The following EXOC4 variants were observed in gnomAD, a reference collection of about 807,000 sequenced individuals.
EXOC4 encodes exocyst complex component 4.
EXOC4 carries 71 observed loss-of-function variants against 107.2 expected under a neutral mutation model. The ratio of observed to expected loss-of-function variants is 0.66; its 90% CI spans 0.55 to 0.81. EXOC4 has a LOEUF of 0.81. EXOC4 is among the 30% of genes least tolerant of loss of function. The pLI is 0.00. For missense variants in EXOC4, 1,108 were observed against 1,189.6 expected (o/e 0.93, Z 1.01); for synonymous variants, 456 against 441.2 (o/e 1.03, Z -0.42).
chr7:133,459,119 C>T (rs1431657062), intron 7 of EXOC4, among the ~76,000 whole-genome samples: 1 of 152,206 alleles, frequency 6.6e-6, no homozygotes, highest in Non-Finnish European at 1.5e-5. Flanking sequence ...TAGCAGAGAA[C>T]ATGAGGTACA....
intron 7 of EXOC4, among the ~76,000 whole-genome samples, chr7:133,464,745 T>C (rs1385973392): frequency 6.6e-6 from 1 of 151,416 alleles, no homozygotes; most frequent in Non-Finnish European, 1.5e-5. Context: ...GTTAGTTAAT[T>C]AGTTAATTAC....
At chr7:133,325,722 G>A (rs1445472846) in intron 5 of EXOC4, among the ~76,000 whole-genome samples, 1 of 152,108 alleles carries the variant, frequency 6.6e-6, no homozygotes, top group Non-Finnish European at 1.5e-5. Flanking sequence ...TTATCTTTGT[G>A]GCATTCTCTG....
chr7:133,887,885 G>A (rs921935862), intron 11 of EXOC4, among the ~76,000 whole-genome samples: 21 of 152,250 alleles, frequency 1.4e-4, no homozygotes, highest in Admixed American at 7.9e-4. Context: ...CGTGTAGCCA[G>A]GCAGAATCAA....
At chr7:133,663,376 C>A (rs949725777) in intron 10 of EXOC4, among the ~76,000 whole-genome samples, 1 of 152,096 alleles carries the variant, frequency 6.6e-6, no homozygotes, top group African/African-American at 2.4e-5. Flanking sequence ...ATTCCTAAGG[C>A]TTTTAATACC....
At chr7:133,629,456 C>G in intron 9 of EXOC4, among the ~76,000 whole-genome samples, 1 of 152,148 alleles carries the variant, frequency 6.6e-6, no homozygotes, top group East Asian at 1.9e-4. Flanking sequence ...TTGCACTGTT[C>G]CTTTAAATGT....
At chr7:133,281,399 T>C (rs1794137018) in intron 2 of EXOC4, among the ~76,000 whole-genome samples, 1 of 148,198 alleles carries the variant, frequency 6.7e-6, no homozygotes, top group African/African-American at 2.5e-5. Context: ...ATTGGGTTGG[T>C]CTCTTACGGC....
At chr7:133,501,234 A>C (rs577303612) in intron 9 of EXOC4, among the ~76,000 whole-genome samples, 1 of 152,314 alleles carries the variant, frequency 6.6e-6, no homozygotes, top group African/African-American at 2.4e-5. Flanking sequence ...TTGTTGCTTT[A>C]TTAGTAATCA....
At chr7:133,523,185 A>G (rs555334373) in intron 9 of EXOC4, among the ~76,000 whole-genome samples, 44 of 152,358 alleles carry the variant, frequency 2.9e-4, no homozygotes, top group African/African-American at 1.0e-3. Context: ...GACCAGAAAG[A>G]AAAGTTTAAA....
rs376868288 is a variant in EXOC4 at position 133,439,341 on chromosome 7, C to T, written c.1183-35987C>T. On this transcript the variant is annotated intron_variant, in intron 7 of 17. Transcript: ENST00000253861. ...CTGGGATTACAGGCCCCCGCCACCA[C>T]GCCCAGCTAATTTTTGTATTTTTAG... Among the ~76,000 whole-genome samples, 26 of 151,912 alleles carry T rather than the reference C, an allele frequency of 1.7e-4. No homozygotes were observed. The Middle Eastern group carries it at 0.01, about 60-fold the overall frequency.
chr7:133,903,199 G>A (rs1033940714), intron 12 of EXOC4, among the ~76,000 whole-genome samples: 16 of 152,192 alleles, frequency 1.1e-4, no homozygotes, highest in Non-Finnish European at 2.4e-4. Context: ...TGGAGGTCTT[G>A]GTAAGCCACT....
At chr7:133,574,922 T>G (rs1248689241) in intron 9 of EXOC4, among the ~76,000 whole-genome samples, 1 of 152,230 alleles carries the variant, frequency 6.6e-6, no homozygotes, top group Non-Finnish European at 1.5e-5. Context: ...TTGGATGGGA[T>G]ATTGTAATAC....
chr7:133,815,230 A>G (rs1038332082), intron 10 of EXOC4, among the ~76,000 whole-genome samples: 2 of 152,068 alleles, frequency 1.3e-5, no homozygotes, highest in African/African-American at 4.8e-5. Flanking sequence ...AATAGAAAAA[A>G]ATTAGCTGGG....
At chr7:133,355,607 A>G (rs1445250969) in intron 5 of EXOC4, among the ~76,000 whole-genome samples, 1 of 152,094 alleles carries the variant, frequency 6.6e-6, no homozygotes, top group Non-Finnish European at 1.5e-5. Flanking sequence ...TCAGTGCCAA[A>G]TTGTTTGAAA....
intron 10 of EXOC4, among the ~76,000 whole-genome samples, chr7:133,739,146 A>G (rs1384013173): frequency 2.6e-5 from 4 of 152,090 alleles, no homozygotes; most frequent in Non-Finnish European, 4.4e-5. Flanking sequence ...AGAACAACAA[A>G]AGACATTTTA....
At chr7:133,469,683 T>C (rs551964472) in intron 7 of EXOC4, among the ~76,000 whole-genome samples, 40 of 152,320 alleles carry the variant, frequency 2.6e-4, no homozygotes, top group African/African-American at 9.6e-4. Flanking sequence ...TGCAAACTCA[T>C]AGGGTAGAAA....
Position 133,313,415 on chromosome 7 carries a change from C to G in EXOC4, c.657-3869C>G, listed in dbSNP as rs534895523. On this transcript the variant is annotated intron_variant, in intron 4 of 17. Coordinates refer to ENST00000253861, the MANE Select transcript of EXOC4 (RefSeq NM_021807.4). The stretch of plus-strand genomic sequence containing the variant: ...TATTTCTTAGCTCAGTTTGATTTAA[C>G]AAAATTTTATGAGCACTTGCTCTTT... 1.1e-4 allele frequency among the ~76,000 whole-genome samples: 17 copies of G among 152,260 alleles called. No homozygotes were observed. The South Asian group carries it at 1.9e-3, about 17-fold the overall frequency.
chr7:134,072,331 A>G, the EXOC4 span, among the ~76,000 whole-genome samples: 5 of 152,256 alleles, frequency 3.3e-5, no homozygotes, highest in African/African-American at 1.2e-4. Context: ...ATACATGAAA[A>G]AAAATGAAGA....
At chr7:133,965,385 A>C (rs1457107927) in intron 14 of EXOC4, among the ~76,000 whole-genome samples, 3 of 152,310 alleles carry the variant, frequency 2.0e-5, no homozygotes, top group African/African-American at 7.2e-5. Context: ...TTGGTGTTTT[A>C]GTCATGAAGT....
At chr7:133,650,126 T>C (rs1366026086) in intron 10 of EXOC4, among the ~76,000 whole-genome samples, 1 of 152,072 alleles carries the variant, frequency 6.6e-6, no homozygotes, top group Admixed American at 6.5e-5. Flanking sequence ...ATTTTTCAGT[T>C]TGGTAATTTA....
Sources: allele counts gnomAD v4.1 joint callset (sites outside exome capture counted in the v4.1 genomes callset), GRCh38; gene constraint gnomAD v4.1.1; transcripts MANE v1.5; gene names NCBI Gene and HGNC (gene_info 2026-07-23, HGNC 2026-07-21).